The following GPM6A variants were observed in gnomAD, a reference collection of about 807,000 sequenced individuals.
GPM6A encodes the protein neuronal membrane glycoprotein M6-a.
Under a neutral mutation model 32.1 loss-of-function variants are expected in GPM6A, and 7 were observed. That is an observed-to-expected ratio of 0.22 (90% confidence interval 0.12 to 0.41). The LOEUF (loss-of-function observed/expected upper bound fraction) is 0.41, where lower values mean the gene tolerates loss of function less well. Ranked by LOEUF, GPM6A falls within the 10% of genes least tolerant of loss-of-function variation. The probability of loss-of-function intolerance (pLI) is 1.00; values close to 1 mark genes in which losing one functional copy is unlikely to be tolerated. For synonymous variants in GPM6A, 130 were observed against 123.4 expected, an observed-to-expected ratio of 1.05 and a Z score of -0.35; for missense variants, 235 against 347.2, an observed-to-expected ratio of 0.68 and a Z score of 2.57.
At chr4:175,998,106 C>T (rs537325148) in intron 1 of GPM6A, among the ~76,000 whole-genome samples, 4 of 151,788 alleles carry the variant, frequency 2.6e-5, no homozygotes, top group Non-Finnish European at 5.9e-5. Flanking sequence ...TTATGTGTTC[C>T]TAACATACTA....
At chr4:175,888,058 T>C (rs1737518974) in intron 1 of GPM6A, among the ~76,000 whole-genome samples, 1 of 151,912 alleles carries the variant, frequency 6.6e-6, no homozygotes, top group Non-Finnish European at 1.5e-5. Flanking sequence ...GTTGATTTTA[T>C]TTACAAACTA....
intron 1 of GPM6A, among the ~76,000 whole-genome samples, chr4:175,718,405 C>T (rs889845508): frequency 2.6e-5 from 4 of 152,034 alleles, no homozygotes; most frequent in Admixed American, 1.3e-4. Context: ...CAGTTGAGGT[C>T]AGGAGTTGGA....
At chr4:175,676,054 G>A (rs73020109) in intron 2 of GPM6A, among the ~76,000 whole-genome samples, 7,539 of 152,072 alleles carry the variant, frequency 0.05, 208 homozygotes, top group Non-Finnish European at 0.063. Flanking sequence ...GTGAGTTCTC[G>A]TGAGATCTGA....
chr4:175,996,352 T>C (rs1741307923), intron 1 of GPM6A, among the ~76,000 whole-genome samples: 1 of 152,184 alleles, frequency 6.6e-6, no homozygotes, highest in African/African-American at 2.4e-5. Flanking sequence ...ACTATACCAA[T>C]TCAAATTTTG....
intron 1 of GPM6A, among the ~76,000 whole-genome samples, chr4:175,989,518 TA>T (rs1286856298): frequency 6.6e-6 from 1 of 152,078 alleles, no homozygotes; most frequent in Non-Finnish European, 1.5e-5. Context: ...ATTAAAGTAT[TA>T]AAAATATGAA....
chr4:175,992,634 G>C (rs371051934), intron 1 of GPM6A, among the ~76,000 whole-genome samples: 1 of 152,126 alleles, frequency 6.6e-6, no homozygotes, highest in African/African-American at 2.4e-5. Flanking sequence ...CTGACTCCTA[G>C]TGTAGTGATT....
chr4:175,756,982 G>A (rs895016545), intron 1 of GPM6A, among the ~76,000 whole-genome samples: 8 of 152,174 alleles, frequency 5.3e-5, no homozygotes, highest in African/African-American at 1.4e-4. Flanking sequence ...TTAAGAAGGC[G>A]AACTGGAGGC....
At chr4:175,952,646 G>C (rs1209293427) in intron 1 of GPM6A, among the ~76,000 whole-genome samples, 3 of 152,044 alleles carry the variant, frequency 2.0e-5, no homozygotes, top group African/African-American at 7.2e-5. Flanking sequence ...GAAAATTTTT[G>C]TAATACATTT....
intron 1 of GPM6A, among the ~76,000 whole-genome samples, chr4:175,968,512 C>T (rs1360943516): frequency 6.6e-6 from 1 of 152,096 alleles, no homozygotes; most frequent in East Asian, 1.9e-4. Flanking sequence ...GGAGAAAAAT[C>T]TTTGCAAAAC....
At chr4:175,695,179 G>T (rs1744508531) in intron 2 of GPM6A, among the ~76,000 whole-genome samples, 1 of 152,208 alleles carries the variant, frequency 6.6e-6, no homozygotes, top group East Asian at 1.9e-4. Context: ...CTCTCACAGA[G>T]AACCTCTACT....
chr4:175,724,903 A>G (rs879744998), intron 1 of GPM6A, among the ~76,000 whole-genome samples: 4 of 151,586 alleles, frequency 2.6e-5, no homozygotes, highest in Non-Finnish European at 4.4e-5. Context: ...ACTCTGCCAT[A>G]CTCTCCTCCT....
intron 1 of GPM6A, among the ~76,000 whole-genome samples, chr4:175,877,627 T>A (rs2111450625): frequency 6.6e-6 from 1 of 152,174 alleles, no homozygotes; most frequent in East Asian, 1.9e-4. Flanking sequence ...GGGGAAACCA[T>A]CTCCATGATT....
intron 1 of GPM6A, among the ~76,000 whole-genome samples, chr4:175,874,592 T>C (rs920070437): frequency 6.6e-6 from 1 of 152,106 alleles, no homozygotes; most frequent in Non-Finnish European, 1.5e-5. Context: ...AATGGTACCT[T>C]AAGGCGAGAA....
At chr4:175,904,789 A>G (rs1738078968) in intron 1 of GPM6A, among the ~76,000 whole-genome samples, 1 of 152,152 alleles carries the variant, frequency 6.6e-6, no homozygotes, top group South Asian at 2.1e-4. Context: ...GTTATTAAAT[A>G]TTTCCTGAAT....
intron 1 of GPM6A, among the ~76,000 whole-genome samples, chr4:175,973,769 C>T (rs1740575799): frequency 1.3e-5 from 2 of 152,182 alleles, no homozygotes; most frequent in South Asian, 2.1e-4. Context: ...GTTTTCCAAC[C>T]TATTCACCCA....
At chr4:175,860,855 G>C (rs531228757) in intron 1 of GPM6A, among the ~76,000 whole-genome samples, 49 of 152,252 alleles carry the variant, frequency 3.2e-4, no homozygotes, top group African/African-American at 1.2e-3. Context: ...CAATCCTTTT[G>C]AGAGGAAAGT....
rs3032644 is a variant in GPM6A at position 175,721,148 on chromosome 4, A to AATATATATATATATATATAT, written c.38-19382_38-19381insATATATATATATATATATAT. Among the ~76,000 whole-genome samples, 919 of 135,102 alleles carry AATATATATATATATATATAT rather than the reference A, an allele frequency of 6.8e-3. 5 individuals are homozygous for AATATATATATATATATATAT. The highest frequency in any genetic ancestry group is 0.011 in the Non-Finnish European group (717 of 62,680). 88.6% of individuals were successfully genotyped at this position (135,102 alleles called of 152,430 possible). On this transcript the variant is annotated intron_variant, in intron 1 of 6. Transcript: ENST00000393658. ...TTTAAAAAGAATATATATATATTCT[A>AATATATATATATATATATAT]ATATATATATATATATATTTTCTAT...
intron 1 of GPM6A, among the ~76,000 whole-genome samples, chr4:175,923,463 G>A (rs1355152157): frequency 6.6e-6 from 1 of 150,902 alleles, no homozygotes; most frequent in Non-Finnish European, 1.5e-5. Flanking sequence ...AGCAGAAGTC[G>A]GTGATGGAGG....
chr4:175,906,279 A>G (rs1006210014), intron 1 of GPM6A, among the ~76,000 whole-genome samples: 1 of 152,162 alleles, frequency 6.6e-6, no homozygotes, highest in Non-Finnish European at 1.5e-5. Flanking sequence ...GATATCTCAC[A>G]ATGATTCATT....
Sources: allele counts gnomAD v4.1 joint callset (sites outside exome capture counted in the v4.1 genomes callset), GRCh38; gene constraint gnomAD v4.1.1; transcripts MANE v1.5; gene names NCBI Gene and HGNC (gene_info 2026-07-23, HGNC 2026-07-21).